Variants in STRAP observed in about 807,000 individuals in gnomAD.
STRAP encodes the protein serine-threonine kinase receptor-associated protein.
Under a neutral mutation model 47.0 loss-of-function variants are expected in STRAP, and 16 were observed. The ratio of observed to expected loss-of-function variants is 0.34; its 90% confidence interval spans 0.23 to 0.52. The LOEUF (loss-of-function observed/expected upper bound fraction) is 0.52, where lower values mean the gene tolerates loss of function less well. Ranked by LOEUF, STRAP falls within the 20% of genes least tolerant of loss-of-function variation. The pLI, the probability that STRAP is intolerant of heterozygous loss-of-function variation, is 0.96. For missense variants in STRAP, 293 were observed against 420.0 expected (o/e 0.70, Z 2.64); for synonymous variants, 130 against 142.7 (o/e 0.91, Z 0.63).
At position 15,889,936 on chromosome 12, in the gene STRAP, G is replaced by A. The variant is rs1354702261; in HGVS notation, c.257G>A (p.Trp86Ter). ...CTCTTTTTTACTTTTAGCAAAGTGT[G>A]GGATGCTGTCTCAGGAGATGAATTG... is the stretch of plus-strand genomic sequence containing the variant. ...TAAADFTAKV[W>*]DAVSGDELMT... Residue 86 changes from tryptophan (W) to a stop codon, truncating the protein, a stop_gained, in exon 3 of 10, where the codon TGG becomes TAG. Transcript: ENST00000419869. LOFTEE classifies it high-confidence loss of function. The A allele has an allele frequency of 1.2e-6, 2 of 1,613,226 alleles. No homozygotes were observed. Among genetic ancestry groups the A allele is most frequent in the African/African-American group, 1.3e-5 (1 of 74,868 alleles).
intron 7 of STRAP, 42 bp downstream of exon 7, chr12:15,898,060 T>C: frequency 1.3e-6 from 2 of 1,551,886 alleles, no homozygotes; most frequent in Non-Finnish European, 1.7e-6. Context: ...CTTTATCATA[T>C]GTTAAGTCCC....
chr12:15,902,103 G>A (rs745971127), intron 9 of STRAP, among the ~76,000 whole-genome samples: 3 of 151,954 alleles, frequency 2.0e-5, no homozygotes, highest in Non-Finnish European at 4.4e-5. Context: ...AGCCTCCTGG[G>A]TAGTTGGGAT....
chr12:15,899,867 A>G, intron 7 of STRAP, 37 bp from the exon 8 acceptor site: 1 of 1,582,750 alleles, frequency 6.3e-7, no homozygotes, highest in Non-Finnish European at 8.6e-7. Flanking sequence ...ATTTAACCTA[A>G]TAGTTAAAAT....
intron 6 of STRAP, among the ~76,000 whole-genome samples, chr12:15,895,971 C>G (rs997366281): frequency 6.6e-6 from 1 of 151,548 alleles, no homozygotes; most frequent in African/African-American, 2.4e-5. Flanking sequence ...GTCTGTAATC[C>G]TAGCACCTTG....
chr12:15,895,832 C>T (rs1948054953), intron 6 of STRAP, among the ~76,000 whole-genome samples: 2 of 141,208 alleles, frequency 1.4e-5, no homozygotes, highest in Non-Finnish European at 3.0e-5. Flanking sequence ...CACTGCACTC[C>T]AGTCTGGATG....
chr12:15,892,897 A>T (rs1211016689), intron 4 of STRAP, among the ~76,000 whole-genome samples: 1 of 152,206 alleles, frequency 6.6e-6, no homozygotes, highest in Non-Finnish European at 1.5e-5. Context: ...CCTTTCCCAA[A>T]GCTGTTTTAT....
At chr12:15,889,864 G>C in intron 2 of STRAP, 64 bp from the exon 3 acceptor site, 1 of 1,302,976 alleles carries the variant, frequency 7.7e-7, no homozygotes, top group Non-Finnish European at 1.1e-6. Flanking sequence ...TATTATAATT[G>C]TATTTATCCT....
chr12:15,892,370 T>G (rs1948024016), intron 4 of STRAP, among the ~76,000 whole-genome samples: 1 of 152,164 alleles, frequency 6.6e-6, no homozygotes, highest in Non-Finnish European at 1.5e-5. Flanking sequence ...AAGTTATAGG[T>G]GTCTTCCCCA....
chr12:15,882,477 C>A lies in STRAP; in HGVS notation c.-231C>A. The A allele has an allele frequency of 2.2e-6, 1 of 460,876 alleles. No individual in the cohort carries two copies. The allele number at this position is 460,876 out of a possible 1,614,324, so 28.5% of individuals were successfully genotyped here. A position where few individuals can be genotyped will look rare whatever the true frequency, so the allele number is the denominator to read the frequency against. Reference sequence around the variant, plus strand: ...CTCCCCATCCCCTACTTTCCTCCCTCCCTCCCTTTCCCTCCCTCGTCGACT... The same window carrying A: ...CTCCCCATCCCCTACTTTCCTCCCTACCTCCCTTTCCCTCCCTCGTCGACT... On this transcript the variant is annotated 5_prime_UTR_variant, in exon 1 of 10. Coordinates refer to ENST00000419869, the MANE Select transcript of STRAP (RefSeq NM_007178.4).
chr12:15,900,389 G>A (rs930850626), intron 8 of STRAP, among the ~76,000 whole-genome samples: 11 of 152,144 alleles, frequency 7.2e-5, no homozygotes, highest in Middle Eastern at 3.4e-3. Context: ...AATTAGCCAG[G>A]TGTGGTGGTA....
chr12:15,883,823 TG>T (rs1393132928), intron 2 of STRAP, 147 bp downstream of exon 2: 2 of 1,042,394 alleles, frequency 1.9e-6, no homozygotes, highest in African/African-American at 3.2e-5. Flanking sequence ...AATTCCATCG[TG>T]GTCCATCGTG....
Position 15,899,954 on chromosome 12 carries a change from G to C in STRAP, c.826G>C (p.Asp276His), listed in dbSNP as rs374693662. 1 of 1,613,580 alleles carries C rather than the reference G, an allele frequency of 6.2e-7. No homozygotes were observed. The highest frequency in any genetic ancestry group is 2.2e-5 in the East Asian group (1 of 44,812). The change falls in exon 8 of 10, where the codon GAT becomes CAT. Residue 276 changes from aspartate to histidine, a missense_variant. Asp to His is a moderately conservative substitution (Grantham distance 81, BLOSUM62 -1). This residue lies in a region of STRAP where 26 missense variants were observed against 76.7 expected (regional missense o/e 0.34). Coordinates refer to ENST00000419869, the MANE Select transcript of STRAP (RefSeq NM_007178.4). ...TATTCACTGTGTGAGATTTAGTCCT[G>C]ATGGAGAACTCTATGCCAGTGGTTC... ...GPIHCVRFSPDGELYASGSED... is the reference protein window; with the variant it reads ...GPIHCVRFSPHGELYASGSED...
rs761352474 is a variant in STRAP at position 15,902,908 on chromosome 12, T to C, written c.992-9T>C. The C allele has an allele frequency of 3.4e-6, 5 of 1,489,800 alleles. No individual in the cohort carries two copies. Among genetic ancestry groups the C allele is most frequent in the Non-Finnish European group, 4.4e-6 (5 of 1,128,020 alleles). The allele number at this position is 1,489,800 out of a possible 1,614,324, so 92.3% of individuals were successfully genotyped here. ...GACTTTTTTTTTTTTTTTTTTTTTT[T>C]ACTTATAGAAGAAATTGCTTCAGAG... On this transcript the variant is annotated splice_polypyrimidine_tract_variant and intron_variant, in intron 9 of 9. Coordinates refer to ENST00000419869, the MANE Select transcript of STRAP (RefSeq NM_007178.4).
chr12:15,890,831 G>A lies in STRAP; in HGVS notation c.403+162G>A, dbSNP rs551985962. Among the ~76,000 whole-genome samples the A allele has an allele frequency of 2.6e-5, 4 of 152,192 alleles. No individual in the cohort carries two copies. Among genetic ancestry groups the A allele is most frequent in the East Asian group, 1.9e-4 (1 of 5,176 alleles). ...TCCTAGCACTTTGGGAGACTGAGGC[G>A]GGTGGATCACTTGAGGTCAGGAGTT... On this transcript the variant is annotated intron_variant, in intron 4 of 9. Transcript: ENST00000419869. The surrounding 1 kb of genome is among the most constrained non-coding windows in gnomAD (Gnocchi z 4.5).
In STRAP at chr12:15,897,854, TGTAAATACTAC is replaced by T; in HGVS notation, c.639-27_639-17del. 6.8e-7 allele frequency: 1 copy of T among 1,463,874 alleles called. No homozygotes were observed. The allele number at this position is 1,463,874 out of a possible 1,614,324, so 90.7% of individuals were successfully genotyped here. On this transcript the variant is annotated splice_polypyrimidine_tract_variant and intron_variant, in intron 6 of 9. Coordinates refer to ENST00000419869, the MANE Select transcript of STRAP (RefSeq NM_007178.4). ...CGTTATTTATACCATATTCAAGATT[TGTAAATACTAC>T]TTAAATTTTTTTTCAGTTTGGACCC... is the stretch of plus-strand genomic sequence containing the variant.
rs1438208667 is a variant in STRAP, at chr12:15,894,594, C to G, written c.500+451C>G. Among the ~76,000 whole-genome samples, 2 of 152,184 alleles carry G rather than the reference C, an allele frequency of 1.3e-5. No individual in the cohort carries two copies. Among genetic ancestry groups the G allele is most frequent in the Non-Finnish European group, 1.5e-5 (1 of 68,032 alleles). Reference sequence around the variant, plus strand: ...CCAGGTCACATTTATCTGGAGCTATCTATTTACTAATACAGGTTGAGTATC... The same window carrying G: ...CCAGGTCACATTTATCTGGAGCTATGTATTTACTAATACAGGTTGAGTATC... On this transcript the variant is annotated intron_variant, in intron 5 of 9. Transcript: ENST00000419869. The surrounding 1 kb of genome is among the most constrained non-coding windows in gnomAD (Gnocchi z 4.9).
chr12:15,883,845 C>G (rs1192921805), intron 2 of STRAP, among the ~76,000 whole-genome samples, 169 bp downstream of exon 2: 1 of 152,208 alleles, frequency 6.6e-6, no homozygotes, highest in East Asian at 1.9e-4. Context: ...GTCCTGTGTG[C>G]TTCTTTGTCT....
Position 15,882,528 on chromosome 12 carries a change from G to T in STRAP, c.-180G>T. 1 of 579,642 alleles carries T rather than the reference G, an allele frequency of 1.7e-6. No homozygotes were observed. The highest frequency in any genetic ancestry group is 3.1e-6 in the Non-Finnish European group (1 of 323,942). 35.9% of individuals were successfully genotyped at this position (579,642 alleles called of 1,614,324 possible). ...GTTGCTTGCTGGTCGCAGACTCCCTGACCCCTCCCTCACCCCTCCCTAACC... is the reference window on the plus strand; with the variant it reads ...GTTGCTTGCTGGTCGCAGACTCCCTTACCCCTCCCTCACCCCTCCCTAACC... On this transcript the variant is annotated 5_prime_UTR_variant, in exon 1 of 10. Coordinates refer to ENST00000419869, the MANE Select transcript of STRAP (RefSeq NM_007178.4).
chr12:15,890,534 A>G lies in STRAP; in HGVS notation c.331-63A>G. 1 of 1,371,120 alleles carries G rather than the reference A, an allele frequency of 7.3e-7. No homozygotes were observed. The highest frequency in any genetic ancestry group is 2.3e-5 in the East Asian group (1 of 43,098). 84.9% of individuals were successfully genotyped at this position (1,371,120 alleles called of 1,614,324 possible). On this transcript the variant is annotated intron_variant, in intron 3 of 9. Coordinates refer to ENST00000419869, the MANE Select transcript of STRAP (RefSeq NM_007178.4). This position sits in a 1 kb window ranked among gnomAD's most constrained non-coding sequence, Gnocchi z 4.5. Reference sequence around the variant, plus strand: ...AGATTTTGATTTTATTTGGTGTTGAAATTTGAAAGAGAAATAACTATTAAA... The same window carrying G: ...AGATTTTGATTTTATTTGGTGTTGAGATTTGAAAGAGAAATAACTATTAAA...
Sources: gnomAD v4.1 joint callset for allele counts (sites outside exome capture counted in the v4.1 genomes callset) on GRCh38, gnomAD v4.1.1 for gene constraint, gnomAD v4.1.1 regional missense constraint, Gnocchi (gnomAD v3.1) non-coding constraint, MANE v1.5 for transcripts, NCBI Gene and HGNC (gene_info 2026-07-23, HGNC 2026-07-21) for gene names.